LARGE1: variants seen among roughly 807,000 people sequenced by gnomAD.
The protein encoded by LARGE1 is xylosyl- and glucuronyltransferase LARGE1.
Under a neutral mutation model 87.6 loss-of-function variants are expected in LARGE1, and 43 were observed. The observed-to-expected ratio is 0.49, with a 90% confidence interval of 0.38 to 0.63. LARGE1 has a LOEUF of 0.63. Among genes scored for constraint, LARGE1 ranks in the 30% least tolerant of loss-of-function variants. The pLI is 0.00. For missense variants in LARGE1, 802 were observed against 1,000.2 expected (o/e 0.80, Z 2.67); for synonymous variants, 434 against 394.6 (o/e 1.10, Z -1.18).
At chr22:33,102,692 T>G in the LARGE1 span, among the ~76,000 whole-genome samples, 1 of 151,892 alleles carries the variant, frequency 6.6e-6, no homozygotes, top group African/African-American at 2.4e-5. Context: ...GGTTTCGCCA[T>G]GTTGAGCAGG....
At chr22:33,182,365 TTC>T (rs1259223075) in intron 11 of LARGE1, among the ~76,000 whole-genome samples, 1 of 152,210 alleles carries the variant, frequency 6.6e-6, no homozygotes, top group African/African-American at 2.4e-5. Context: ...TCTTTCCTGT[TTC>T]TGTTTGTTTT....
At position 33,785,023 on chromosome 22, in the gene LARGE1, A is replaced by G. The variant is rs1015517371; in HGVS notation, c.-82-23465T>C. On this transcript the variant is annotated intron_variant, in intron 1 of 14. Coordinates refer to ENST00000397394, the MANE Select transcript of LARGE1 (RefSeq NM_133642.5). Reference sequence around the variant, plus strand: ...TATACATATATGTGTATACATACATATGTGTATATACATATATGTGTATAC... The same window carrying G: ...TATACATATATGTGTATACATACATGTGTGTATATACATATATGTGTATAC... Among the ~76,000 whole-genome samples the G allele has an allele frequency of 5.3e-5, 8 of 150,002 alleles. No individual in the cohort carries two copies. In the Admixed American group the frequency reaches 5.3e-4, roughly 10 times the overall value.
chr22:33,774,379 C>T (rs773431441), intron 1 of LARGE1, among the ~76,000 whole-genome samples: 22 of 151,884 alleles, frequency 1.4e-4, no homozygotes, highest in South Asian at 4.2e-4. Flanking sequence ...TTTTTTGAGA[C>T]GGAGTCTTGC....
intron 6 of LARGE1, among the ~76,000 whole-genome samples, chr22:33,471,031 T>TC (rs202159648): frequency 2.8e-4 from 38 of 137,742 alleles, no homozygotes; most frequent in Middle Eastern, 3.7e-3. Context: ...TTCTTCTTCT[T>TC]TTTTTTTTTT....
downstream of LARGE1, among the ~76,000 whole-genome samples, chr22:33,158,790 A>G (rs1921940031): frequency 1.3e-5 from 2 of 152,204 alleles, no homozygotes; most frequent in Non-Finnish European, 2.9e-5. Flanking sequence ...GGACAAAGGG[A>G]TAAATTCCAT....
intron 8 of LARGE1, among the ~76,000 whole-genome samples, chr22:33,383,370 G>T (rs561947404): frequency 6.6e-6 from 1 of 151,980 alleles, no homozygotes; most frequent in Admixed American, 6.6e-5. Flanking sequence ...AACCAGCCTG[G>T]CCAACGTGGA....
intron 2 of LARGE1, among the ~76,000 whole-genome samples, chr22:33,714,896 G>C (rs544792649): frequency 6.6e-6 from 1 of 152,300 alleles, no homozygotes; most frequent in South Asian, 2.1e-4. Flanking sequence ...GCTTCAGATT[G>C]TCCTCTGAAA....
chr22:33,166,480 A>T (rs1479939134), exon 12 of LARGE1: 4 of 302,854 alleles, frequency 1.3e-5, no homozygotes, highest in African/African-American at 8.8e-5. Flanking sequence ...TACCACGGGG[A>T]TGTTCACCTG....
chr22:33,324,922 G>A (rs1937109116), intron 10 of LARGE1, among the ~76,000 whole-genome samples: 1 of 55,070 alleles, frequency 1.8e-5, no homozygotes, highest in African/African-American at 1.8e-4. Flanking sequence ...GGTAAAGTGG[G>A]GAGAGCTTTT....
intron 9 of LARGE1, among the ~76,000 whole-genome samples, chr22:33,378,660 T>C (rs976283290): frequency 2.6e-5 from 4 of 152,160 alleles, no homozygotes; most frequent in African/African-American, 7.2e-5. Flanking sequence ...TATTGTGGGG[T>C]TATTTTCCTA....
chr22:33,577,167 T>C (rs1014692334), intron 5 of LARGE1, among the ~76,000 whole-genome samples: 10 of 152,184 alleles, frequency 6.6e-5, no homozygotes, highest in Non-Finnish European at 1.0e-4. Flanking sequence ...AAGTTGGTTC[T>C]TGTGGGGATC....
chr22:33,229,769 A>G (rs956614247), intron 11 of LARGE1, among the ~76,000 whole-genome samples: 1 of 152,106 alleles, frequency 6.6e-6, no homozygotes, highest in Non-Finnish European at 1.5e-5. Context: ...TTCTGAGTGG[A>G]AAAAAGATGA....
At chr22:33,462,354 T>G (rs1253181525) in intron 6 of LARGE1, among the ~76,000 whole-genome samples, 1 of 152,082 alleles carries the variant, frequency 6.6e-6, no homozygotes, top group African/African-American at 2.4e-5. Context: ...ATGCTACTAG[T>G]ACTAGGCACT....
rs754708848 is a variant in LARGE1 at position 33,626,230 on chromosome 22, G to T, written c.491+14C>A. On this transcript the variant is annotated intron_variant, in intron 4 of 14. Transcript: ENST00000397394. ...GACAGACCTCAGCCCACACAGCACAGAAGTTGTTCTTACCTATGGAACAGG... is the reference window on the plus strand; with the variant it reads ...GACAGACCTCAGCCCACACAGCACATAAGTTGTTCTTACCTATGGAACAGG... 2.9e-5 allele frequency: 47 copies of T among 1,611,482 alleles called. No homozygotes were observed. The highest frequency in any genetic ancestry group is 3.6e-5 in the Non-Finnish European group (42 of 1,177,706).
At chr22:33,433,545 G>A (rs867032761) in intron 6 of LARGE1, among the ~76,000 whole-genome samples, 2 of 140,268 alleles carry the variant, frequency 1.4e-5, no homozygotes, top group South Asian at 2.3e-4. Flanking sequence ...GCAGTGAGCC[G>A]AGATCGCACC....
the LARGE1 span, among the ~76,000 whole-genome samples, chr22:33,104,690 T>A: frequency 1.3e-5 from 2 of 152,250 alleles, no homozygotes; most frequent in African/African-American, 4.8e-5. Context: ...ATTCTCTGAA[T>A]ATGTTATGCA....
intron 11 of LARGE1, among the ~76,000 whole-genome samples, chr22:33,262,032 T>A (rs1291700295): frequency 6.6e-6 from 1 of 152,172 alleles, no homozygotes. Flanking sequence ...AACGATGCCA[T>A]GTATTGATGG....
chr22:33,562,266 C>CT (rs1316776916), intron 6 of LARGE1, among the ~76,000 whole-genome samples: 1 of 152,124 alleles, frequency 6.6e-6, no homozygotes, highest in Non-Finnish European at 1.5e-5. Flanking sequence ...TTTCTTTTCA[C>CT]CTCTGTATTT....
At chr22:33,508,725 C>T (rs1330328530) in intron 6 of LARGE1, among the ~76,000 whole-genome samples, 1 of 152,188 alleles carries the variant, frequency 6.6e-6, no homozygotes, top group Non-Finnish European at 1.5e-5. Flanking sequence ...AGAACAATCT[C>T]ATCCTGGCAA....
Sources: allele counts gnomAD v4.1 joint callset (sites outside exome capture counted in the v4.1 genomes callset), GRCh38; gene constraint gnomAD v4.1.1; transcripts MANE v1.5; gene names NCBI Gene and HGNC (gene_info 2026-07-23, HGNC 2026-07-21).